The following ETNK1 variants were observed in gnomAD, a reference collection of about 807,000 sequenced individuals.
ETNK1 encodes the protein putative protein product of Nbla10396.
ETNK1 carries 8 observed loss-of-function variants against 45.1 expected under a neutral mutation model. The ratio of observed to expected loss-of-function variants is 0.18; its 90% CI spans 0.10 to 0.32. The LOEUF (loss-of-function observed/expected upper bound fraction) is 0.32, where lower values mean the gene tolerates loss of function less well. ETNK1 is among the 10% of genes least tolerant of loss of function. ETNK1 has a pLI of 1.00. For missense variants in ETNK1, 302 were observed against 430.6 expected (o/e 0.70, Z 2.64); for synonymous variants, 152 against 151.9 (o/e 1.00, Z -0.01).
chr12:22,651,063 G>A (rs1028503806), intron 2 of ETNK1, among the ~76,000 whole-genome samples: 5 of 152,156 alleles, frequency 3.3e-5, no homozygotes, highest in African/African-American at 1.2e-4. Flanking sequence ...AAAGAGAAGA[G>A]CTCTCTGTGC....
chr12:22,673,813 C>T (rs984874288), intron 6 of ETNK1, among the ~76,000 whole-genome samples, 153 bp downstream of exon 6: 10 of 152,152 alleles, frequency 6.6e-5, no homozygotes, highest in Admixed American at 6.5e-4. Flanking sequence ...ATGCATTACC[C>T]CATTGCATTA....
intron 3 of ETNK1, 140 bp downstream of exon 3, chr12:22,659,294 G>T: frequency 2.3e-6 from 2 of 880,242 alleles, no homozygotes; most frequent in Non-Finnish European, 3.4e-6. Context: ...TTGATTCTTT[G>T]GCTGTCAGAT....
At chr12:22,641,463 G>C (rs1953735576) in intron 1 of ETNK1, among the ~76,000 whole-genome samples, 1 of 152,084 alleles carries the variant, frequency 6.6e-6, no homozygotes, top group South Asian at 2.1e-4. Flanking sequence ...GAGTGGTTTT[G>C]TTGTTTTCTT....
chr12:22,661,124 A>T lies in ETNK1; in HGVS notation c.619A>T (p.Ile207Phe), dbSNP rs1170096196. The T allele has an allele frequency of 1.2e-6, 2 of 1,612,558 alleles. No individual in the cohort carries two copies. The highest frequency in any genetic ancestry group is 8.5e-7 in the Non-Finnish European group (1 of 1,179,470). The change falls in exon 4 of 8, where the codon ATT becomes TTT. Residue 207 changes from isoleucine (I) to phenylalanine (F), a missense_variant. Ile to Phe is a conservative substitution (Grantham distance 21). Coordinates refer to ENST00000266517, the MANE Select transcript of ETNK1 (RefSeq NM_018638.5). ...GGAAGAGATGACTTGGATGAAGGAG[A>T]TTCTTTCCAACCTGGGCTCACCTGT... is the stretch of plus-strand genomic sequence containing the variant. ...LQEEMTWMKEILSNLGSPVVL... is the reference protein window; with the variant it reads ...LQEEMTWMKEFLSNLGSPVVL...
At chr12:22,648,994 T>C (rs141149985) in intron 2 of ETNK1, among the ~76,000 whole-genome samples, 56 of 152,218 alleles carry the variant, frequency 3.7e-4, no homozygotes, top group African/African-American at 1.3e-3. Context: ...TTCATATGCT[T>C]ATTTACTCAT....
chr12:22,637,936 G>C (rs1430994541), intron 1 of ETNK1, among the ~76,000 whole-genome samples: 2 of 152,080 alleles, frequency 1.3e-5, no homozygotes, highest in Non-Finnish European at 2.9e-5. Flanking sequence ...ATAATGTGTA[G>C]ACTTTACAGA....
At position 22,643,996 on chromosome 12, in the gene ETNK1, G is replaced by A. The variant is rs1332272081; in HGVS notation, c.390G>A (p.Lys130=). 6.2e-7 allele frequency: 1 copy of A among 1,605,358 alleles called. No individual in the cohort carries two copies. The highest frequency in any genetic ancestry group is 1.1e-5 in the South Asian group (1 of 90,346). Residue 130 remains lysine, a synonymous_variant, in exon 2 of 8, where the codon AAG becomes AAA. Transcript: ENST00000266517. ...EFIQGEALDP[K]HVCNPAIFRL... ...TACAAGGAGAAGCACTGGATCCAAA[G>A]CATGTCTGCAACCCAGCCATTTTCA...
intron 2 of ETNK1, among the ~76,000 whole-genome samples, chr12:22,651,174 C>T (rs1180682479): frequency 6.6e-6 from 1 of 152,298 alleles, no homozygotes; most frequent in South Asian, 2.1e-4. Context: ...GCAGAGGGCA[C>T]GGAAGATTGG....
At position 22,644,013 on chromosome 12, in the gene ETNK1, C is replaced by A. The variant is rs201123814; in HGVS notation, c.407C>A (p.Ala136Asp). 9.1e-5 allele frequency: 144 copies of A among 1,585,944 alleles called. No homozygotes were observed. Among genetic ancestry groups the A allele is most frequent in the Non-Finnish European group, 1.2e-4 (137 of 1,162,772 alleles). The part of the protein sequence containing the change: ...ALDPKHVCNP[A>D]IFRLIARQLA... ...GATCCAAAGCATGTCTGCAACCCAGCCATTTTCAGGTACATTTTCTTTTCT... is the reference window on the plus strand; with the variant it reads ...GATCCAAAGCATGTCTGCAACCCAGACATTTTCAGGTACATTTTCTTTTCT... Residue 136 changes from alanine (A) to aspartate (D), a missense_variant, in exon 2 of 8, where the codon GCC (alanine) becomes GAC (aspartate). Coordinates refer to ENST00000266517, the MANE Select transcript of ETNK1 (RefSeq NM_018638.5).
rs3983448 is a variant in ETNK1 at position 22,686,851 on chromosome 12, A to ATTTTTTTTTTT, written c.*1915_*1925dup. On this transcript the variant is annotated 3_prime_UTR_variant, in exon 8 of 8. Transcript: ENST00000266517. Reference sequence around the variant, plus strand: ...AGATAAAGAATGTGTAATACTCTTAATTTTTTTTTTTTTTTTTTTTTTTTT... The same window carrying ATTTTTTTTTTT: ...AGATAAAGAATGTGTAATACTCTTAATTTTTTTTTTTTTTTTTTTTTTTTTTTTTTTTTTTT... The ATTTTTTTTTTT allele has an allele frequency of 1.2e-3, 83 of 69,272 alleles. 7 individuals are homozygous for ATTTTTTTTTTT. Among genetic ancestry groups the ATTTTTTTTTTT allele is most frequent in the Non-Finnish European group, 1.5e-3 (54 of 36,074 alleles). The allele number at this position is 69,272 out of a possible 1,614,324, so 4.3% of individuals were successfully genotyped here.
intron 1 of ETNK1, among the ~76,000 whole-genome samples, chr12:22,627,036 G>A (rs568172573): frequency 7.9e-5 from 12 of 152,266 alleles, no homozygotes; most frequent in African/African-American, 2.9e-4. Flanking sequence ...AGTGTTGGCA[G>A]ATCAGTTACT....
intron 2 of ETNK1, among the ~76,000 whole-genome samples, chr12:22,647,099 C>T (rs1953816919): frequency 1.3e-5 from 2 of 151,752 alleles, no homozygotes; most frequent in Admixed American, 6.6e-5. Flanking sequence ...ATTTATCATT[C>T]TCTGTTTTAT....
At chr12:22,646,004 A>G (rs934379942) in intron 2 of ETNK1, among the ~76,000 whole-genome samples, 2 of 151,852 alleles carry the variant, frequency 1.3e-5, no homozygotes, top group Admixed American at 1.3e-4. Context: ...TAAGTGATAC[A>G]TTGAATTGCC....
Position 22,688,436 on chromosome 12 carries a change from T to G in ETNK1, c.*3482T>G, listed in dbSNP as rs2137583763. On this transcript the variant is annotated 3_prime_UTR_variant, in exon 8 of 8. Coordinates refer to ENST00000266517, the MANE Select transcript of ETNK1 (RefSeq NM_018638.5). ...GTTTCCCCCACTCTCAATTAAAAGTTAGAACCCTCCACTTTTAAAATTATA... is the reference window on the plus strand; with the variant it reads ...GTTTCCCCCACTCTCAATTAAAAGTGAGAACCCTCCACTTTTAAAATTATA... 1 of 152,058 alleles carries G rather than the reference T, an allele frequency of 6.6e-6. No individual in the cohort carries two copies. The highest frequency in any genetic ancestry group is 1.9e-4 in the East Asian group (1 of 5,182). The allele number at this position is 152,058 out of a possible 1,614,324, so 9.4% of individuals were successfully genotyped here.
intron 2 of ETNK1, among the ~76,000 whole-genome samples, chr12:22,651,027 A>G (rs996574678): frequency 6.6e-6 from 1 of 152,188 alleles, no homozygotes; most frequent in Non-Finnish European, 1.5e-5. Flanking sequence ...GAGTGAGGTT[A>G]AGAGTGGAAG....
At chr12:22,670,368 G>T (rs1018486718) in intron 4 of ETNK1, among the ~76,000 whole-genome samples, 89 of 127,968 alleles carry the variant, frequency 7.0e-4, no homozygotes, top group Non-Finnish European at 1.4e-3. Flanking sequence ...GACCCACATT[G>T]ATTTTTTTTT....
chr12:22,684,576 A>G lies in ETNK1; in HGVS notation c.1019+20A>G, dbSNP rs188628165. ...CCTTGGGTAAGTTAAATTTTATTAT[A>G]TGATTACATTGGTCTCTGCTTTTGT... On this transcript the variant is annotated intron_variant, in intron 7 of 7. Coordinates refer to ENST00000266517, the MANE Select transcript of ETNK1 (RefSeq NM_018638.5). The G allele has an allele frequency of 5.5e-5, 80 of 1,452,858 alleles. No homozygotes were observed. In the East Asian group the frequency reaches 1.8e-3, roughly 32 times the overall value. The allele number at this position is 1,452,858 out of a possible 1,614,324, so 90.0% of individuals were successfully genotyped here. A position where few individuals can be genotyped will look rare whatever the true frequency, so the allele number is the denominator to read the frequency against.
At chr12:22,631,233 G>A (rs1172367302) in intron 1 of ETNK1, among the ~76,000 whole-genome samples, 1 of 150,842 alleles carries the variant, frequency 6.6e-6, no homozygotes, top group African/African-American at 2.4e-5. Flanking sequence ...GGAGTGCAAT[G>A]GCGTGATCTC....
intron 4 of ETNK1, among the ~76,000 whole-genome samples, chr12:22,666,328 A>G (rs1283919149): frequency 6.6e-6 from 1 of 152,200 alleles, no homozygotes; most frequent in Non-Finnish European, 1.5e-5. Flanking sequence ...AGGAAACCAA[A>G]AGCAGCAGTT....
Sources: gnomAD v4.1 joint callset for allele counts (sites outside exome capture counted in the v4.1 genomes callset) on GRCh38, gnomAD v4.1.1 for gene constraint, MANE v1.5 for transcripts, NCBI Gene and HGNC (gene_info 2026-07-23, HGNC 2026-07-21) for gene names.